The following IL27 variants were observed in gnomAD, a reference collection of about 807,000 sequenced individuals.
IL27 encodes interleukin 27.
A neutral mutation model predicts 27.0 loss-of-function variants in IL27; 11 were observed. The ratio of observed to expected loss-of-function variants is 0.41; its 90% CI spans 0.26 to 0.67. IL27 has a LOEUF of 0.67. Among genes scored for constraint, IL27 ranks in the 30% least tolerant of loss-of-function variants. The pLI is 0.34. For synonymous variants in IL27, 134 were observed against 140.6 expected (o/e 0.95, Z 0.33); for missense variants, 299 against 310.4 (o/e 0.96, Z 0.28).
rs1173569131 is a variant in IL27, at chr16:28,506,821, C to T, written c.-10G>A. The T allele has an allele frequency of 1.2e-6, 2 of 1,611,444 alleles. No individual in the cohort carries two copies. Among genetic ancestry groups the T allele is most frequent in the African/African-American group, 2.7e-5 (2 of 74,802 alleles). On this transcript the variant is annotated 5_prime_UTR_variant, in exon 1 of 5. Transcript: ENST00000356897. Reference sequence around the variant, plus strand: ...CTGCCGTCTGGCCCATGGCGGGGCCCAGCCTCTTTGGTCAGCCATCTCCTG... The same window carrying T: ...CTGCCGTCTGGCCCATGGCGGGGCCTAGCCTCTTTGGTCAGCCATCTCCTG...
Position 28,503,967 on chromosome 16 carries a change from T to A in IL27, c.115A>T (p.Ser39Cys), listed in dbSNP as rs2046448114. Residue 39 changes from serine to cysteine, a missense_variant, in exon 2 of 5, where the codon AGC (serine) becomes TGC (cysteine). Physicochemically the swap from Ser to Cys is moderately radical, Grantham distance 112 (BLOSUM62 -1). Coordinates refer to ENST00000356897, the MANE Select transcript of IL27 (RefSeq NM_145659.3). ...AACTCCCTCCGCAGCTCCTGCAGGC[T>A]CAGCTGGGGCCTCCCTGGGGGCCTT... is the stretch of plus-strand genomic sequence containing the variant. ...FPRPPGRPQL[S>C]LQELRREFTV... The A allele has an allele frequency of 3.1e-6, 5 of 1,614,088 alleles. No individual in the cohort carries two copies. The highest frequency in any genetic ancestry group is 4.2e-6 in the Non-Finnish European group (5 of 1,179,984).
intron 3 of IL27, 92 bp downstream of exon 3, chr16:28,503,603 A>G: frequency 1.1e-6 from 1 of 875,980 alleles, no homozygotes; most frequent in Non-Finnish European, 1.8e-6. Flanking sequence ...TTCTATCCCC[A>G]ATGCATCTCC....
chr16:28,503,434 G>A (rs1333512683), intron 3 of IL27, among the ~76,000 whole-genome samples: 1 of 151,826 alleles, frequency 6.6e-6, no homozygotes, highest in African/African-American at 2.4e-5. Context: ...ATTTTTTTTT[G>A]TAGAGACAAA....
intron 4 of IL27, among the ~76,000 whole-genome samples, chr16:28,500,971 G>A (rs768013216): frequency 2.0e-5 from 3 of 152,218 alleles, no homozygotes; most frequent in East Asian, 1.9e-4. Context: ...AAGCCGAGGC[G>A]GGCAGAGCGC....
intron 1 of IL27, among the ~76,000 whole-genome samples, chr16:28,504,315 TAAA>T (rs1030297249): frequency 6.6e-6 from 1 of 152,064 alleles, no homozygotes; most frequent in Non-Finnish European, 1.5e-5. Context: ...CTGTCTCTAC[TAAA>T]AATACAAAAA....
chr16:28,502,904 C>T (rs1163607310), intron 3 of IL27, among the ~76,000 whole-genome samples: 1 of 152,176 alleles, frequency 6.6e-6, no homozygotes, highest in Admixed American at 6.6e-5. Flanking sequence ...CTCACTGCAA[C>T]CTCCACCTCC....
At chr16:28,501,454 TCACA>T (rs889498930) in intron 4 of IL27, among the ~76,000 whole-genome samples, 1 of 122,522 alleles carries the variant, frequency 8.2e-6, no homozygotes, top group South Asian at 2.7e-4. Context: ...ACCCACACAC[TCACA>T]CACTCACAGC....
intron 4 of IL27, among the ~76,000 whole-genome samples, chr16:28,500,530 C>A (rs1438182527): frequency 2.6e-5 from 4 of 152,010 alleles, no homozygotes; most frequent in Non-Finnish European, 5.9e-5. Context: ...CCGCTTTGGC[C>A]TCCTAAAGTG....
chr16:28,504,282 A>T (rs1054655448), intron 1 of IL27, among the ~76,000 whole-genome samples: 1 of 152,208 alleles, frequency 6.6e-6, no homozygotes, highest in African/African-American at 2.4e-5. Flanking sequence ...GTTCAAGACC[A>T]GCCTGGCCAA....
chr16:28,503,888 G>A lies in IL27; in HGVS notation c.194C>T (p.Ala65Val), dbSNP rs1173279663. ...RKLLSEVRGQ[A>V]HRFAESHLPG... ...ATTAGGGGGACTTACAAAGCGGTGGGCCTGGCCCCGAACCTCGGAGAGCAG... is the reference window on the plus strand; with the variant it reads ...ATTAGGGGGACTTACAAAGCGGTGGACCTGGCCCCGAACCTCGGAGAGCAG... The change falls in exon 2 of 5, where the codon GCC becomes GTC. Residue 65 changes from alanine (A) to valine (V), a missense_variant. Ala to Val is a moderately conservative substitution (Grantham distance 64, BLOSUM62 0). Transcript: ENST00000356897. 3.7e-6 allele frequency: 6 copies of A among 1,614,164 alleles called. No homozygotes were observed. Among genetic ancestry groups the A allele is most frequent in the Non-Finnish European group, 5.1e-6 (6 of 1,180,002 alleles).
At chr16:28,501,446 C>CCACACACT (rs1049510928) in intron 4 of IL27, among the ~76,000 whole-genome samples, 4 of 146,208 alleles carry the variant, frequency 2.7e-5, no homozygotes, top group Admixed American at 2.0e-4. Context: ...ACAGTCACAC[C>CCACACACT]CACACACTCA....
In IL27 at chr16:28,499,879, C is replaced by G; in HGVS notation, c.504G>C (p.Glu168Asp). ...TCTCCTCCTCCTCCTCCTCCTCTTC[C>G]TCCTCCTCCTCCTCCGGGAGGTTGA... ...AGFNLPEEEE[E>D]EEEEEEEERK... Residue 168 changes from glutamate to aspartate, a missense_variant, in exon 5 of 5, where the codon GAG becomes GAC. Glu to Asp is a conservative substitution (Grantham distance 45). Transcript: ENST00000356897. 9 of 1,513,520 alleles carry G rather than the reference C, an allele frequency of 5.9e-6. No homozygotes were observed. The highest frequency in any genetic ancestry group is 8.0e-6 in the Non-Finnish European group (9 of 1,119,458). The allele number at this position is 1,513,520 out of a possible 1,614,324, so 93.8% of individuals were successfully genotyped here.
rs547740497 is a variant in IL27, at chr16:28,503,666, C to T, written c.303+29G>A. ...CCTGGCCCCAGCCTATCACAAGCTT[C>T]CCGCCCCACTCCACCAGCCCTCACT... On this transcript the variant is annotated intron_variant, in intron 3 of 4. Transcript: ENST00000356897. 11 of 1,547,652 alleles carry T rather than the reference C, an allele frequency of 7.1e-6. No homozygotes were observed. In the African/African-American group the frequency reaches 1.1e-4, roughly 15 times the overall value.
At position 28,499,848 on chromosome 16, in the gene IL27, C is replaced by A. The variant is rs1458854175; in HGVS notation, c.535G>T (p.Gly179Trp). ...CTGCCCAGTGCCCCTGGGAGCAGCC[C>A]CTTCCTCTCCTCCTCCTCCTCCTCC... is the stretch of plus-strand genomic sequence containing the variant. Reference protein sequence around the residue: ...EEEEEEEERKGLLPGALGSAL... With the variant: ...EEEEEEEERKWLLPGALGSAL... The change falls in exon 5 of 5, where the codon GGG becomes TGG. Residue 179 changes from glycine to tryptophan, a missense_variant. Coordinates refer to ENST00000356897, the MANE Select transcript of IL27 (RefSeq NM_145659.3). 1 of 1,562,874 alleles carries A rather than the reference C, an allele frequency of 6.4e-7. No homozygotes were observed. Among genetic ancestry groups the A allele is most frequent in the South Asian group, 1.2e-5 (1 of 85,016 alleles).
At chr16:28,501,079 C>T (rs1229476871) in intron 4 of IL27, among the ~76,000 whole-genome samples, 1 of 152,022 alleles carries the variant, frequency 6.6e-6, no homozygotes, top group African/African-American at 2.4e-5. Flanking sequence ...GTCCTAGCTA[C>T]TCAGGAGGCT....
chr16:28,501,837 A>G, intron 4 of IL27, 139 bp downstream of exon 4: 5 of 1,037,326 alleles, frequency 4.8e-6, no homozygotes, highest in South Asian at 1.5e-5. Context: ...TCTCACACTC[A>G]TGAACCCACA....
chr16:28,500,083 G>A (rs1029059125), intron 4 of IL27, among the ~76,000 whole-genome samples, 163 bp from the exon 5 acceptor site: 8 of 152,286 alleles, frequency 5.3e-5, no homozygotes, highest in African/African-American at 1.4e-4. Flanking sequence ...ACCTGCTAAC[G>A]CGTCTCACCT....
chr16:28,501,264 AC>A (rs1266855863), intron 4 of IL27, among the ~76,000 whole-genome samples: 1 of 151,420 alleles, frequency 6.6e-6, no homozygotes, highest in Non-Finnish European at 1.5e-5. Context: ...ACATACCTAT[AC>A]CCAAACTCTC....
intron 1 of IL27, among the ~76,000 whole-genome samples, chr16:28,505,088 TG>T (rs898512326): frequency 6.6e-6 from 1 of 152,198 alleles, no homozygotes; most frequent in African/African-American, 2.4e-5. Flanking sequence ...GCAGAGCCCA[TG>T]GGTTTTCCCC....
Sources: allele counts gnomAD v4.1 joint callset (sites outside exome capture counted in the v4.1 genomes callset), GRCh38; gene constraint gnomAD v4.1.1; transcripts MANE v1.5; gene names NCBI Gene and HGNC (gene_info 2026-07-23, HGNC 2026-07-21).